Variants in GRIK3 observed in about 807,000 individuals in gnomAD.
The protein encoded by GRIK3 is glutamate receptor ionotropic, kainate 3.
Under a neutral mutation model 102.5 loss-of-function variants are expected in GRIK3, and 29 were observed. That is an observed-to-expected ratio of 0.28 (90% CI 0.21 to 0.39). The LOEUF is 0.39. GRIK3 is among the 10% of genes least tolerant of loss of function. The pLI, the probability that GRIK3 is intolerant of heterozygous loss-of-function variation, is 1.00. For missense variants in GRIK3, 908 were observed against 1,252.4 expected, an observed-to-expected ratio of 0.73 and a Z score of 4.15; for synonymous variants, 511 against 504.9, an observed-to-expected ratio of 1.01 and a Z score of -0.16.
At chr1:37,014,241 T>C (rs1419558719) in intron 1 of GRIK3, among the ~76,000 whole-genome samples, 2 of 152,188 alleles carry the variant, frequency 1.3e-5, no homozygotes, top group Non-Finnish European at 2.9e-5. Context: ...CCCATGAAAA[T>C]GGAAATCTCA....
At chr1:36,992,402 A>G (rs1642372273) in intron 1 of GRIK3, among the ~76,000 whole-genome samples, 1 of 152,180 alleles carries the variant, frequency 6.6e-6, no homozygotes, top group Admixed American at 6.5e-5. Flanking sequence ...GAGGCATGGA[A>G]TGACTGGAAG....
chr1:37,021,014 G>A (rs899233818), intron 1 of GRIK3, among the ~76,000 whole-genome samples: 3 of 152,014 alleles, frequency 2.0e-5, no homozygotes, highest in African/African-American at 4.8e-5. Context: ...GTGTTTCACA[G>A]GTTGGTTTTT....
intron 10 of GRIK3, among the ~76,000 whole-genome samples, chr1:36,838,199 G>C (rs1640403850): frequency 6.6e-6 from 1 of 152,194 alleles, no homozygotes; most frequent in African/African-American, 2.4e-5. Flanking sequence ...TGCCAGGCAG[G>C]AGGCTCTTTT....
chr1:36,872,446 T>C lies in GRIK3; in HGVS notation c.551-77A>G. ...CTCCAGGCATCCACTTGGACTTGTGTGCACACACATGCCCATGGCCACAGG... is the reference window on the plus strand; with the variant it reads ...CTCCAGGCATCCACTTGGACTTGTGCGCACACACATGCCCATGGCCACAGG... On this transcript the variant is annotated intron_variant, in intron 3 of 15. Coordinates refer to ENST00000373091, the MANE Select transcript of GRIK3 (RefSeq NM_000831.4). The surrounding 1 kb of genome is among the most constrained non-coding windows in gnomAD (Gnocchi z 5.9). The C allele has an allele frequency of 8.6e-7, 1 of 1,169,448 alleles. No homozygotes were observed. The highest frequency in any genetic ancestry group is 1.2e-6 in the Non-Finnish European group (1 of 827,526). The allele number at this position is 1,169,448 out of a possible 1,614,324, so 72.4% of individuals were successfully genotyped here.
rs913569423 is a variant in GRIK3, at chr1:36,796,020, C to A, written c.*5831G>T. The A allele has an allele frequency of 2.0e-5, 3 of 152,362 alleles. No homozygotes were observed. The highest frequency in any genetic ancestry group is 6.5e-5 in the Admixed American group (1 of 15,286). 9.4% of individuals were successfully genotyped at this position (152,362 alleles called of 1,614,324 possible). A position where few individuals can be genotyped will look rare whatever the true frequency, so the allele number is the denominator to read the frequency against. ...ACCCATGATCCCTACGGAACCAAGA[C>A]AGGATGCTCCTCATGGGGCTGGAGT... is the stretch of plus-strand genomic sequence containing the variant. On this transcript the variant is annotated 3_prime_UTR_variant, in exon 16 of 16. Coordinates refer to ENST00000373091, the MANE Select transcript of GRIK3 (RefSeq NM_000831.4).
chr1:37,031,179 C>T (rs924332042), intron 1 of GRIK3, among the ~76,000 whole-genome samples: 3 of 152,188 alleles, frequency 2.0e-5, no homozygotes, highest in African/African-American at 7.2e-5. Flanking sequence ...CTTCAATGCA[C>T]AACATTTGAT....
intron 1 of GRIK3, among the ~76,000 whole-genome samples, chr1:37,002,537 C>T (rs908493388): frequency 1.3e-5 from 2 of 152,118 alleles, no homozygotes; most frequent in African/African-American, 4.8e-5. Flanking sequence ...CGGCTCCTTG[C>T]GTAGTTTCAC....
intron 1 of GRIK3, among the ~76,000 whole-genome samples, chr1:36,970,745 G>A (rs1642131523): frequency 1.3e-5 from 2 of 152,102 alleles, no homozygotes; most frequent in Admixed American, 1.3e-4. Context: ...GCTGGTCATG[G>A]GTCTGCCATG....
At chr1:36,886,535 C>T (rs1249568795) in intron 2 of GRIK3, among the ~76,000 whole-genome samples, 8 of 152,134 alleles carry the variant, frequency 5.3e-5, no homozygotes, top group African/African-American at 1.9e-4. Context: ...GATCCAACAG[C>T]AGGAATGTGC....
chr1:36,878,102 C>G lies in GRIK3; in HGVS notation c.550+2532G>C, dbSNP rs557052409. Among the ~76,000 whole-genome samples the G allele has an allele frequency of 5.9e-5, 9 of 152,220 alleles. No homozygotes were observed. The South Asian group carries it at 1.9e-3, about 32-fold the overall frequency. The stretch of plus-strand genomic sequence containing the variant: ...CCAGTCCAATCCAACTCAGTGCCAA[C>G]AAACAATGAAAAACATCTACACTGT... On this transcript the variant is annotated intron_variant, in intron 3 of 15. Coordinates refer to ENST00000373091, the MANE Select transcript of GRIK3 (RefSeq NM_000831.4).
intron 13 of GRIK3, among the ~76,000 whole-genome samples, chr1:36,814,049 A>C (rs72668140): frequency 0.12 from 18,411 of 152,234 alleles, 1,197 homozygotes; most frequent in Non-Finnish European, 0.15. Flanking sequence ...CCAGCATCCC[A>C]GACAGGTGAC....
intron 4 of GRIK3, among the ~76,000 whole-genome samples, chr1:36,870,456 C>T (rs1640830719): frequency 6.6e-6 from 1 of 152,208 alleles, no homozygotes; most frequent in African/African-American, 2.4e-5. Flanking sequence ...GACTATAATG[C>T]ATTTTCTACA....
chr1:37,012,174 T>C (rs908416906), intron 1 of GRIK3, among the ~76,000 whole-genome samples: 10 of 152,204 alleles, frequency 6.6e-5, no homozygotes, highest in African/African-American at 2.4e-4. Flanking sequence ...CAGGGGGCCA[T>C]TGCCTATTGA....
intron 13 of GRIK3, among the ~76,000 whole-genome samples, chr1:36,816,826 T>C (rs1557690840): frequency 6.6e-6 from 1 of 152,212 alleles, no homozygotes; most frequent in Non-Finnish European, 1.5e-5. Context: ...ACATTCACAT[T>C]GCTCATCTCA....
intron 1 of GRIK3, among the ~76,000 whole-genome samples, chr1:36,987,368 C>A (rs1024618953): frequency 6.6e-6 from 1 of 152,080 alleles, no homozygotes; most frequent in African/African-American, 2.4e-5. Flanking sequence ...TGAGTTCAAG[C>A]GCTTTATTTG....
chr1:36,930,783 T>C (rs1641579478), intron 1 of GRIK3, among the ~76,000 whole-genome samples: 1 of 152,228 alleles, frequency 6.6e-6, no homozygotes, highest in African/African-American at 2.4e-5. Context: ...ACCATTTCCC[T>C]GAGTGACTTT....
At chr1:36,845,347 T>C (rs958148728) in intron 9 of GRIK3, among the ~76,000 whole-genome samples, 3 of 152,178 alleles carry the variant, frequency 2.0e-5, no homozygotes, top group Non-Finnish European at 4.4e-5. Context: ...AGGGGTAATA[T>C]TTCTCTTCAA....
rs1640689128 is a variant in GRIK3 at position 36,859,097 on chromosome 1, G to GGGGCACTCACCTCCTTGATGAA, written c.1093_1104+10dup. The GGGGCACTCACCTCCTTGATGAA allele has an allele frequency of 6.9e-6, 11 of 1,599,878 alleles. No homozygotes were observed. The highest frequency in any genetic ancestry group is 9.4e-6 in the Non-Finnish European group (11 of 1,170,066). On this transcript the variant is annotated intron_variant, in intron 7 of 15. Coordinates refer to ENST00000373091, the MANE Select transcript of GRIK3 (RefSeq NM_000831.4). ...GGGAGACAACACTGGTGGGGGCTGT[G>GGGGCACTCACCTCCTTGATGAA]GGGCACTCACCTCCTTGATGAAGTT... is the stretch of plus-strand genomic sequence containing the variant.
At chr1:36,924,497 G>A (rs895100051) in intron 1 of GRIK3, among the ~76,000 whole-genome samples, 4 of 152,170 alleles carry the variant, frequency 2.6e-5, no homozygotes, top group Non-Finnish European at 4.4e-5. Flanking sequence ...GAGAGGGGAG[G>A]GGGAGTGGGT....
Sources: allele counts gnomAD v4.1 joint callset (sites outside exome capture counted in the v4.1 genomes callset), GRCh38; gene constraint gnomAD v4.1.1; non-coding constraint Gnocchi (gnomAD v3.1); transcripts MANE v1.5; gene names NCBI Gene and HGNC (gene_info 2026-07-23, HGNC 2026-07-21).